Variants in EFCAB13 observed in about 807,000 individuals in gnomAD.
EFCAB13 encodes EF-hand calcium-binding domain-containing protein 13.
A neutral mutation model predicts 110.2 loss-of-function variants in EFCAB13; 91 were observed. That is an observed-to-expected ratio of 0.83 (90% CI 0.70 to 0.98). EFCAB13 has a LOEUF of 0.98. EFCAB13 is among the 50% of genes least tolerant of loss of function. EFCAB13 has a pLI of 0.00. For synonymous variants in EFCAB13, 323 were observed against 369.9 expected, an observed-to-expected ratio of 0.87 and a Z score of 1.45; for missense variants, 968 against 1,119.4, an observed-to-expected ratio of 0.86 and a Z score of 1.93.
intron 18 of EFCAB13, among the ~76,000 whole-genome samples, chr17:47,403,562 C>A (rs2065789529): frequency 6.6e-6 from 1 of 152,170 alleles, no homozygotes. Flanking sequence ...TTGCCTATAT[C>A]TGATGAGTTA....
chr17:47,379,616 T>A (rs2065635424), intron 14 of EFCAB13, among the ~76,000 whole-genome samples: 1 of 152,068 alleles, frequency 6.6e-6, no homozygotes, highest in Admixed American at 6.6e-5. Context: ...TGGTTCACCT[T>A]TGATTTAGAA....
chr17:47,408,488 TA>T (rs1487865363), intron 20 of EFCAB13, among the ~76,000 whole-genome samples: 1 of 151,866 alleles, frequency 6.6e-6, no homozygotes, highest in African/African-American at 2.4e-5. Flanking sequence ...CCGTCTCTAC[TA>T]AAAAAATACA....
At chr17:47,393,749 T>A (rs940634652) in intron 15 of EFCAB13, among the ~76,000 whole-genome samples, 10 of 137,464 alleles carry the variant, frequency 7.3e-5, no homozygotes, top group African/African-American at 2.3e-4. Context: ...AATAAATAAA[T>A]AAATAAAAAT....
At chr17:47,428,048 A>T (rs569487357) in intron 23 of EFCAB13, among the ~76,000 whole-genome samples, 1 of 152,008 alleles carries the variant, frequency 6.6e-6, no homozygotes, top group African/African-American at 2.4e-5. Flanking sequence ...CGGTTGTATG[A>T]TGTTGCATAG....
intron 23 of EFCAB13, chr17:47,423,299 GA>G (rs1904783399): frequency 6.6e-6 from 1 of 152,328 alleles, no homozygotes; most frequent in African/African-American, 2.4e-5. Context: ...AGTTAATGGT[GA>G]AGGGGCATTT....
intron 4 of EFCAB13, among the ~76,000 whole-genome samples, chr17:47,334,124 T>C (rs1003410729): frequency 6.8e-6 from 1 of 148,096 alleles, no homozygotes; most frequent in Non-Finnish European, 1.5e-5. Flanking sequence ...CAAAGTTTTA[T>C]AGTTTTTTTT....
chr17:47,350,634 T>C (rs974980599), intron 9 of EFCAB13, among the ~76,000 whole-genome samples: 2 of 152,166 alleles, frequency 1.3e-5, no homozygotes, highest in East Asian at 1.9e-4. Flanking sequence ...TCATCTGTTT[T>C]CTTCTTCATC....
chr17:47,409,521 G>A, intron 20 of EFCAB13, 126 bp from the exon 21 acceptor site: 1 of 732,232 alleles, frequency 1.4e-6, no homozygotes, highest in Non-Finnish European at 2.3e-6. Context: ...GAGAAGAAGG[G>A]AATGGTTATC....
intron 20 of EFCAB13, among the ~76,000 whole-genome samples, chr17:47,408,975 T>G (rs181221153): frequency 6.6e-6 from 1 of 152,342 alleles, no homozygotes; most frequent in Admixed American, 6.5e-5. Context: ...TTTGTTTTGT[T>G]TATCCTGCTT....
intron 10 of EFCAB13, among the ~76,000 whole-genome samples, chr17:47,363,058 G>A (rs1288709380): frequency 6.6e-6 from 1 of 151,980 alleles, no homozygotes; most frequent in Non-Finnish European, 1.5e-5. Flanking sequence ...GACCCTGTGG[G>A]GCTGGACCCT....
intron 17 of EFCAB13, among the ~76,000 whole-genome samples, chr17:47,397,466 GC>G (rs34442406): frequency 0.63 from 92,150 of 147,114 alleles, 29,020 homozygotes; most frequent in African/African-American, 0.72. Context: ...TCTCTGCCTG[GC>G]CGCCCATCGT....
chr17:47,423,476 G>A (rs1040055874), intron 23 of EFCAB13: 18 of 217,240 alleles, frequency 8.3e-5, no homozygotes, highest in African/African-American at 4.1e-4. Flanking sequence ...CTGGCTGCGG[G>A]CGGCCGGGCG....
In EFCAB13 at chr17:47,391,624, A is replaced by C. The variant is rs759653013; in HGVS notation, c.1726+44A>C. ...GGCAAACTGCATTGACACATCTGGA[A>C]GGAGGGTCAATTTGTTATTTTTTTC... On this transcript the variant is annotated intron_variant, in intron 15 of 24. Coordinates refer to ENST00000331493, the MANE Select transcript of EFCAB13 (RefSeq NM_152347.5). 9 of 1,484,722 alleles carry C rather than the reference A, an allele frequency of 6.1e-6. No individual in the cohort carries two copies. The East Asian group carries it at 1.1e-4, about 17-fold the overall frequency. The allele number at this position is 1,484,722 out of a possible 1,614,324, so 92.0% of individuals were successfully genotyped here.
intron 6 of EFCAB13, 86 bp downstream of exon 6, chr17:47,342,118 G>A (rs1370710840): frequency 6.9e-6 from 5 of 723,864 alleles, no homozygotes; most frequent in Admixed American, 3.2e-5. Flanking sequence ...TAGTCCAAGT[G>A]TTGAAATGTC....
At position 47,328,793 on chromosome 17, in the gene EFCAB13, A is replaced by G. The variant is rs564862481; in HGVS notation, c.30+410A>G. The stretch of plus-strand genomic sequence containing the variant: ...GTTTTATGCCCTTCTGTCTTTTTAG[A>G]TGCCTCCACCTTTTTTTGCTAGTAT... On this transcript the variant is annotated intron_variant, in intron 4 of 24. Transcript: ENST00000331493. The G allele has an allele frequency of 1.9e-5, 3 of 159,942 alleles. No individual in the cohort carries two copies. The East Asian group carries it at 5.4e-4, about 29-fold the overall frequency. The allele number at this position is 159,942 out of a possible 1,614,324, so 9.9% of individuals were successfully genotyped here. A position where few individuals can be genotyped will look rare whatever the true frequency, so the allele number is the denominator to read the frequency against.
chr17:47,361,774 C>T (rs895137799), intron 10 of EFCAB13, among the ~76,000 whole-genome samples: 1 of 152,102 alleles, frequency 6.6e-6, no homozygotes, highest in African/African-American at 2.4e-5. Flanking sequence ...AAAATTCAGC[C>T]TTACATCTCT....
chr17:47,362,485 C>T (rs2065520310), intron 10 of EFCAB13, among the ~76,000 whole-genome samples: 1 of 152,170 alleles, frequency 6.6e-6, no homozygotes, highest in Admixed American at 6.5e-5. Context: ...ACTTAGCAGA[C>T]TGGGAAAGGC....
intron 9 of EFCAB13, among the ~76,000 whole-genome samples, chr17:47,358,826 G>A (rs1047250869): frequency 1.3e-5 from 2 of 152,044 alleles, no homozygotes; most frequent in Admixed American, 6.5e-5. Flanking sequence ...ATGGGAATAG[G>A]GCAAGTTTAA....
intron 9 of EFCAB13, among the ~76,000 whole-genome samples, chr17:47,350,840 G>C (rs1160634864): frequency 6.6e-6 from 1 of 152,060 alleles, no homozygotes; most frequent in Non-Finnish European, 1.5e-5. Flanking sequence ...TTCATGACCT[G>C]ATGTTAGCAA....
Sources: allele counts gnomAD v4.1 joint callset (sites outside exome capture counted in the v4.1 genomes callset), GRCh38; gene constraint gnomAD v4.1.1; transcripts MANE v1.5; gene names NCBI Gene and HGNC (gene_info 2026-07-23, HGNC 2026-07-21).